DRC9: variants seen among roughly 807,000 people sequenced by gnomAD.
The protein encoded by DRC9 is dynein regulatory complex protein 9.
chr3:197,910,996 AAAAG>A, the DRC9 span, among the ~76,000 whole-genome samples: 2 of 151,854 alleles, frequency 1.3e-5, no homozygotes, highest in African/African-American at 2.4e-5. Flanking sequence ...AAAAAAAAAA[AAAAG>A]AAAGAAAGAC....
At chr3:197,911,218 A>G in the DRC9 span, among the ~76,000 whole-genome samples, 29 of 152,322 alleles carry the variant, frequency 1.9e-4, no homozygotes, top group African/African-American at 6.3e-4. Context: ...GCAGACTTTG[A>G]AAAATATTGA....
At chr3:197,942,822 T>C in the DRC9 span, among the ~76,000 whole-genome samples, 1 of 148,116 alleles carries the variant, frequency 6.8e-6, no homozygotes, top group African/African-American at 2.5e-5. Flanking sequence ...GCAGGAGAAC[T>C]GCTTGAACCC....
the DRC9 span, chr3:197,889,371 T>TCAATG: frequency 1.7e-6 from 1 of 600,312 alleles, no homozygotes; most frequent in Non-Finnish European, 3.0e-6. Flanking sequence ...AAGCCCTAAG[T>TCAATG]CAATGGTGTA....
chr3:197,945,929 G>A, the DRC9 span, among the ~76,000 whole-genome samples: 7 of 152,144 alleles, frequency 4.6e-5, no homozygotes, highest in Admixed American at 4.6e-4. Context: ...CACTCTGTGA[G>A]CCTCTTCTTT....
At chr3:197,950,080 G>A in the DRC9 span, 2 of 1,203,494 alleles carry the variant, frequency 1.7e-6, no homozygotes, top group Non-Finnish European at 2.1e-6. Context: ...TTATTTCAGT[G>A]CGAAGCCGAT....
At chr3:197,940,548 G>A in the DRC9 span, among the ~76,000 whole-genome samples, 1 of 151,876 alleles carries the variant, frequency 6.6e-6, no homozygotes, top group Admixed American at 6.6e-5. Context: ...CCATAAAAAC[G>A]GCTTTAAAAG....
chr3:197,950,195 C>T, the DRC9 span: 5 of 1,231,540 alleles, frequency 4.1e-6, no homozygotes, highest in Non-Finnish European at 5.1e-6. Context: ...TCGTCCTTCT[C>T]TTACCGCCAT....
the DRC9 span, chr3:197,932,235 G>C: frequency 8.4e-5 from 136 of 1,613,242 alleles, no homozygotes; most frequent in Non-Finnish European, 1.1e-4. Flanking sequence ...GCTTGCAGGA[G>C]ACTGTTGTAA....
chr3:197,946,329 G>A, the DRC9 span, among the ~76,000 whole-genome samples: 1 of 151,398 alleles, frequency 6.6e-6, no homozygotes, highest in African/African-American at 2.4e-5. Context: ...CAGCTACTCG[G>A]GAGGCTGAGG....
chr3:197,907,908 G>C, the DRC9 span, among the ~76,000 whole-genome samples: 2 of 148,972 alleles, frequency 1.3e-5, no homozygotes, highest in Non-Finnish European at 3.0e-5. Flanking sequence ...CGTCTGAAGA[G>C]TGACCCCTTT....
At chr3:197,914,060 G>C in the DRC9 span, 1 of 1,610,688 alleles carries the variant, frequency 6.2e-7, no homozygotes. Flanking sequence ...GGAAAGACCA[G>C]GTTTCTAAAT....
At chr3:197,898,833 G>T in the DRC9 span, among the ~76,000 whole-genome samples, 17 of 152,270 alleles carry the variant, frequency 1.1e-4, no homozygotes, top group East Asian at 3.1e-3. Flanking sequence ...TGAGATTTGG[G>T]TGGGGACACA....
chr3:197,898,790 C>A, the DRC9 span, among the ~76,000 whole-genome samples: 20,628 of 152,102 alleles, frequency 0.14, 1,524 homozygotes, highest in South Asian at 0.19. Flanking sequence ...CCTGGTCTCG[C>A]CCTTGACATG....
the DRC9 span, chr3:197,953,490 G>A: frequency 4.4e-6 from 2 of 456,868 alleles, no homozygotes; most frequent in Non-Finnish European, 4.4e-6. Flanking sequence ...TATCTCAGCT[G>A]GGATTAACCC....
the DRC9 span, chr3:197,912,647 A>G: frequency 3.2e-6 from 5 of 1,568,792 alleles, no homozygotes; most frequent in East Asian, 1.1e-4. Flanking sequence ...AAAAAAAGTC[A>G]AAGCATAGAA....
chr3:197,960,152 G>C, the DRC9 span: 19 of 1,358,706 alleles, frequency 1.4e-5, no homozygotes, highest in Non-Finnish European at 1.8e-5. Context: ...CTTTCCGCCG[G>C]CTGGGCCCTC....
chr3:197,945,824 A>G, the DRC9 span: 1 of 551,654 alleles, frequency 1.8e-6, no homozygotes, highest in Non-Finnish European at 3.2e-6. Context: ...GGAGTGGAGC[A>G]GTCCCAGAGG....
the DRC9 span, among the ~76,000 whole-genome samples, chr3:197,915,547 G>A: frequency 5.7e-4 from 87 of 152,302 alleles, no homozygotes; most frequent in East Asian, 0.01. Flanking sequence ...GGGACCTGAC[G>A]GCACAGCAAA....
chr3:197,928,251 A>ATTTT, the DRC9 span, among the ~76,000 whole-genome samples: 60 of 151,358 alleles, frequency 4.0e-4, no homozygotes, highest in African/African-American at 1.5e-3. Flanking sequence ...TATGGGTATT[A>ATTTT]TTTTTATCCT....
Sources: gnomAD v4.1 joint callset for allele counts (sites outside exome capture counted in the v4.1 genomes callset) on GRCh38, gnomAD v4.1.1 for gene constraint, MANE v1.5 for transcripts, NCBI Gene and HGNC (gene_info 2026-07-23, HGNC 2026-07-21) for gene names.